DLGAP2: variants seen among roughly 807,000 people sequenced by gnomAD.
DLGAP2 encodes the protein DLG associated protein 2, also known as disks large-associated protein 2.
Under a neutral mutation model 100.3 loss-of-function variants are expected in DLGAP2, and 26 were observed. That is an observed-to-expected ratio of 0.26 (90% CI 0.19 to 0.36). The LOEUF is 0.36. DLGAP2 is among the 10% of genes least tolerant of loss of function. The probability of loss-of-function intolerance (pLI) is 1.00; values close to 1 mark genes in which losing one functional copy is unlikely to be tolerated. For missense variants in DLGAP2, 1,858 were observed against 1,453.2 expected (o/e 1.28, Z -4.53); for synonymous variants, 886 against 630.1 (o/e 1.41, Z -6.08).
chr8:784,243 A>T (rs1821778741), intron 1 of DLGAP2, among the ~76,000 whole-genome samples: 1 of 152,262 alleles, frequency 6.6e-6, no homozygotes, highest in Non-Finnish European at 1.5e-5. Flanking sequence ...GTCACCTATA[A>T]AACTAACAAT....
intron 3 of DLGAP2, among the ~76,000 whole-genome samples, chr8:1,389,280 G>A (rs999942125): frequency 7.0e-6 from 1 of 142,212 alleles, no homozygotes; most frequent in Admixed American, 6.8e-5. Context: ...CCAGTCAGTG[G>A]GGAGGGGACT....
At chr8:1,287,249 A>C (rs1297601778) in intron 3 of DLGAP2, among the ~76,000 whole-genome samples, 2 of 92,616 alleles carry the variant, frequency 2.2e-5, no homozygotes, top group Admixed American at 1.6e-4. Flanking sequence ...TAGGAGGGGA[A>C]CTAGTTTTAG....
chr8:1,188,272 C>T (rs1372449547), intron 2 of DLGAP2, among the ~76,000 whole-genome samples: 2 of 122,508 alleles, frequency 1.6e-5, no homozygotes, highest in Admixed American at 8.3e-5. Flanking sequence ...CGCCCGGGAC[C>T]TCTGTGACGT....
At chr8:808,960 G>A (rs991761954) in intron 1 of DLGAP2, among the ~76,000 whole-genome samples, 42 of 146,550 alleles carry the variant, frequency 2.9e-4, no homozygotes, top group African/African-American at 1.1e-3. Context: ...AGGCTGAAGT[G>A]CAGTAGTATG....
intron 6 of DLGAP2, among the ~76,000 whole-genome samples, chr8:1,575,531 C>A (rs1271481945): frequency 2.7e-5 from 4 of 150,236 alleles, no homozygotes; most frequent in African/African-American, 9.8e-5. Context: ...AGGTTTGCTA[C>A]ATATGTATAC....
At chr8:1,464,656 A>G (rs934383442) in intron 3 of DLGAP2, among the ~76,000 whole-genome samples, 10 of 152,128 alleles carry the variant, frequency 6.6e-5, no homozygotes, top group African/African-American at 2.4e-4. Flanking sequence ...TAGAGGGGAG[A>G]CAGGGCCAGG....
At chr8:936,093 G>T (rs1226260357) in intron 2 of DLGAP2, among the ~76,000 whole-genome samples, 1 of 152,146 alleles carries the variant, frequency 6.6e-6, no homozygotes, top group Non-Finnish European at 1.5e-5. Context: ...TGAGCTGCCG[G>T]TGTGTTCTGA....
At chr8:1,377,837 G>A (rs992229833) in intron 3 of DLGAP2, 4 of 152,436 alleles carry the variant, frequency 2.6e-5, no homozygotes, top group South Asian at 2.1e-4. Context: ...GCATAGGCAC[G>A]GAAGTGTGCC....
intron 6 of DLGAP2, among the ~76,000 whole-genome samples, chr8:1,610,399 G>A (rs1563254859): frequency 6.6e-6 from 1 of 151,018 alleles, no homozygotes; most frequent in African/African-American, 2.4e-5. Flanking sequence ...GTGTGTAGAG[G>A]GAAATTTATA....
intron 3 of DLGAP2, among the ~76,000 whole-genome samples, chr8:1,478,755 C>T (rs538871645): frequency 2.0e-5 from 3 of 152,324 alleles, no homozygotes; most frequent in South Asian, 2.1e-4. Flanking sequence ...CAGTCGGCTC[C>T]TCAGTATGAG....
chr8:978,642 G>C (rs1319546925), intron 2 of DLGAP2, among the ~76,000 whole-genome samples: 1 of 150,210 alleles, frequency 6.7e-6, no homozygotes, highest in East Asian at 2.0e-4. Flanking sequence ...CGGGGATGCA[G>C]TGAGAGGGTG....
At chr8:1,310,934 CAG>C (rs1355577993) in intron 3 of DLGAP2, among the ~76,000 whole-genome samples, 3 of 151,610 alleles carry the variant, frequency 2.0e-5, no homozygotes, top group Admixed American at 6.6e-5. Flanking sequence ...AGAATTAACA[CAG>C]AGTAAAAAAG....
intron 8 of DLGAP2, among the ~76,000 whole-genome samples, chr8:1,638,653 G>C (rs1797826227): frequency 6.6e-6 from 1 of 152,094 alleles, no homozygotes; most frequent in African/African-American, 2.4e-5. Flanking sequence ...GAGCTCCAGG[G>C]GCTCCCGGCT....
At position 1,409,672 on chromosome 8, in the gene DLGAP2, A is replaced by T. The variant is rs1032584754; in HGVS notation, c.107-91694A>T. On this transcript the variant is annotated intron_variant, in intron 3 of 14. Transcript: ENST00000637795. ...TTCTGGAAGGACCAGCGTTTGAATC[A>T]GGGAATGAGTAAAGCAGACCCCACC... Among the ~76,000 whole-genome samples the T allele has an allele frequency of 2.6e-5, 4 of 152,196 alleles. 1 individual carries two copies. Among genetic ancestry groups the T allele is most frequent in the Admixed American group, 2.0e-4 (3 of 15,288 alleles).
chr8:1,129,420 T>G (rs1796240627), intron 2 of DLGAP2, among the ~76,000 whole-genome samples: 4 of 151,556 alleles, frequency 2.6e-5, no homozygotes, highest in Admixed American at 6.6e-5. Context: ...AAAAAAAAAT[T>G]TACTTAAAGA....
chr8:1,190,016 T>A (rs1184156031), intron 2 of DLGAP2, among the ~76,000 whole-genome samples: 2 of 152,224 alleles, frequency 1.3e-5, no homozygotes, highest in Non-Finnish European at 2.9e-5. Flanking sequence ...TTCTGGAGTT[T>A]AAAGGCCCTC....
chr8:1,483,114 G>C (rs371225207), intron 3 of DLGAP2, among the ~76,000 whole-genome samples: 1 of 152,180 alleles, frequency 6.6e-6, no homozygotes. Context: ...AACCACGCTC[G>C]GTGCCGGCAG....
intron 2 of DLGAP2, among the ~76,000 whole-genome samples, chr8:1,229,803 T>C (rs183703252): frequency 3.9e-5 from 6 of 152,216 alleles, no homozygotes; most frequent in Non-Finnish European, 5.9e-5. Context: ...GGGAAAGCTT[T>C]AGATAAAATC....
At position 1,102,494 on chromosome 8, in the gene DLGAP2, T is replaced by C. The variant is rs906263947; in HGVS notation, c.74-156357T>C. Among the ~76,000 whole-genome samples the C allele has an allele frequency of 1.1e-4, 16 of 152,060 alleles. No individual in the cohort carries two copies. The East Asian group carries it at 3.1e-3, about 29-fold the overall frequency. ...AGTCTCTTAAATGAGAAACGCACGCTATTCGTGGGATTTGAGAGAGAGTAA... is the reference window on the plus strand; with the variant it reads ...AGTCTCTTAAATGAGAAACGCACGCCATTCGTGGGATTTGAGAGAGAGTAA... On this transcript the variant is annotated intron_variant, in intron 2 of 14. Transcript: ENST00000637795.
Sources: gnomAD v4.1 joint callset for allele counts (sites outside exome capture counted in the v4.1 genomes callset) on GRCh38, gnomAD v4.1.1 for gene constraint, MANE v1.5 for transcripts, NCBI Gene and HGNC (gene_info 2026-07-23, HGNC 2026-07-21) for gene names.